The following PIK3C2G variants were observed in gnomAD, a reference collection of about 807,000 sequenced individuals.
The protein encoded by PIK3C2G is phosphatidylinositol 3-kinase C2 domain-containing subunit gamma.
PIK3C2G carries 168 observed loss-of-function variants against 181.1 expected under a neutral mutation model. The ratio of observed to expected loss-of-function variants is 0.93; its 90% CI spans 0.82 to 1.05. The LOEUF is 1.05. Among genes scored for constraint, PIK3C2G ranks in the 50% least tolerant of loss-of-function variants. The pLI, the probability that PIK3C2G is intolerant of heterozygous loss-of-function variation, is 0.00. For synonymous variants in PIK3C2G, 573 were observed against 592.2 expected (o/e 0.97, Z 0.47); for missense variants, 1,869 against 1,732.8 (o/e 1.08, Z -1.40).
intron 16 of PIK3C2G, among the ~76,000 whole-genome samples, chr12:18,416,874 T>C (rs998757917): frequency 1.3e-5 from 2 of 152,236 alleles, no homozygotes; most frequent in African/African-American, 4.8e-5. Flanking sequence ...AGGAGTCATT[T>C]TGACTTTTAA....
chr12:18,527,791 A>T (rs2136204871), intron 24 of PIK3C2G, among the ~76,000 whole-genome samples: 1 of 152,272 alleles, frequency 6.6e-6, no homozygotes, highest in Admixed American at 6.5e-5. Context: ...AGGAGACTTG[A>T]TAATTTTGAA....
chr12:18,723,543 C>G, the PIK3C2G span: 15 of 1,608,688 alleles, frequency 9.3e-6, no homozygotes, highest in Non-Finnish European at 1.3e-5. Flanking sequence ...TGTCATTGTC[C>G]TACTAAAAAA....
chr12:18,460,623 CATATATATATAT>C (rs144060852), intron 18 of PIK3C2G, among the ~76,000 whole-genome samples: 1,494 of 136,120 alleles, frequency 0.011, 36 homozygotes, highest in African/African-American at 0.039. Flanking sequence ...ACATCATATT[CATATATATATAT>C]ATATATATAT....
At chr12:18,669,959 C>T in the PIK3C2G span, among the ~76,000 whole-genome samples, 17 of 152,168 alleles carry the variant, frequency 1.1e-4, no homozygotes, top group East Asian at 3.9e-4. Flanking sequence ...TGAGCCACCG[C>T]GCCCGGCCCT....
Position 18,310,613 on chromosome 12 carries a change from T to C in PIK3C2G, c.1035-3349T>C, listed in dbSNP as rs189985977. ...CATAGTAATTAAATTGAGATTGCAA[T>C]AGAAAAGCTTTAAGATATGTTTCCT... On this transcript the variant is annotated intron_variant, in intron 5 of 32. Coordinates refer to ENST00000538779, the MANE Select transcript of PIK3C2G (RefSeq NM_001288772.2). Among the ~76,000 whole-genome samples, 1,038 of 151,922 alleles carry C rather than the reference T, an allele frequency of 6.8e-3. 9 individuals are homozygous for C. The highest frequency in any genetic ancestry group is 0.023 in the African/African-American group (952 of 41,514).
At chr12:18,269,598 G>A (rs1948658428) in intron 1 of PIK3C2G, among the ~76,000 whole-genome samples, 1 of 152,122 alleles carries the variant, frequency 6.6e-6, no homozygotes, top group Non-Finnish European at 1.5e-5. Flanking sequence ...AGAAGAAACT[G>A]TTATGGAATT....
chr12:18,359,448 C>T (rs1941041325), intron 11 of PIK3C2G, among the ~76,000 whole-genome samples: 1 of 152,088 alleles, frequency 6.6e-6, no homozygotes, highest in Admixed American at 6.6e-5. Flanking sequence ...CTGTTAGGTC[C>T]ATTTGGTCTA....
intron 11 of PIK3C2G, among the ~76,000 whole-genome samples, chr12:18,348,684 T>A (rs929789933): frequency 2.0e-5 from 3 of 152,166 alleles, no homozygotes. Context: ...ATGTCTTACC[T>A]CATGACAAAT....
chr12:18,286,800 A>G lies in PIK3C2G; in HGVS notation c.679-47A>G, dbSNP rs746332848. On this transcript the variant is annotated intron_variant, in intron 2 of 32. Transcript: ENST00000538779. The stretch of plus-strand genomic sequence containing the variant: ...GGATAAAATTGTAGAATTATTTAAT[A>G]GTTTCTCTTCTCCAAATTATATTAA... 15 of 956,462 alleles carry G rather than the reference A, an allele frequency of 1.6e-5. No individual in the cohort carries two copies. In the South Asian group the frequency reaches 2.3e-4, roughly 14 times the overall value. 59.2% of individuals were successfully genotyped at this position (956,462 alleles called of 1,614,324 possible). A position where few individuals can be genotyped will look rare whatever the true frequency, so the allele number is the denominator to read the frequency against.
intron 29 of PIK3C2G, among the ~76,000 whole-genome samples, chr12:18,583,906 G>C (rs1000243025): frequency 1.3e-5 from 2 of 152,168 alleles, no homozygotes; most frequent in African/African-American, 4.8e-5. Flanking sequence ...TAAGGATATG[G>C]ATAGGAACAA....
At chr12:18,530,350 T>C (rs1376380698) in intron 24 of PIK3C2G, among the ~76,000 whole-genome samples, 3 of 152,174 alleles carry the variant, frequency 2.0e-5, no homozygotes, top group African/African-American at 7.2e-5. Flanking sequence ...CTATCAATAA[T>C]TCATTTTTCT....
chr12:18,438,643 T>C (rs1189747303), intron 18 of PIK3C2G, among the ~76,000 whole-genome samples: 1 of 151,862 alleles, frequency 6.6e-6, no homozygotes, highest in Non-Finnish European at 1.5e-5. Flanking sequence ...TTTGATCCTG[T>C]GCCTCATACA....
intron 31 of PIK3C2G, among the ~76,000 whole-genome samples, chr12:18,629,547 T>C (rs1949256711): frequency 6.6e-6 from 1 of 152,190 alleles, no homozygotes; most frequent in African/African-American, 2.4e-5. Flanking sequence ...TGGGACTAAG[T>C]TTGAATAATG....
At chr12:18,428,504 A>T (rs1945966752) in intron 18 of PIK3C2G, among the ~76,000 whole-genome samples, 1 of 152,244 alleles carries the variant, frequency 6.6e-6, no homozygotes, top group Non-Finnish European at 1.5e-5. Context: ...ATGACCAATT[A>T]TTCACCAAGC....
chr12:18,480,921 AT>A (rs1475494233), intron 18 of PIK3C2G, among the ~76,000 whole-genome samples: 1 of 151,512 alleles, frequency 6.6e-6, no homozygotes. Flanking sequence ...TGAGTTTTTT[AT>A]TTTTTTATTT....
At chr12:18,675,193 C>G in the PIK3C2G span, among the ~76,000 whole-genome samples, 1 of 152,142 alleles carries the variant, frequency 6.6e-6, no homozygotes, top group African/African-American at 2.4e-5. Context: ...GTCTAGATGG[C>G]TACAGTCACA....
At chr12:18,423,882 T>A (rs988952711) in intron 17 of PIK3C2G, 63 bp from the exon 18 acceptor site, 14 of 934,552 alleles carry the variant, frequency 1.5e-5, no homozygotes, top group Non-Finnish European at 2.4e-5. Flanking sequence ...GCCTCTGAAG[T>A]CCCTCTGTAT....
chr12:18,244,444 T>A (rs1355558268), upstream of PIK3C2G, among the ~76,000 whole-genome samples: 4 of 151,880 alleles, frequency 2.6e-5, no homozygotes, highest in Non-Finnish European at 5.9e-5. Flanking sequence ...AAACAGAAAA[T>A]TTAGTAAACA....
At chr12:18,410,482 G>T (rs1300398444) in intron 16 of PIK3C2G, among the ~76,000 whole-genome samples, 3 of 146,532 alleles carry the variant, frequency 2.0e-5, no homozygotes, top group African/African-American at 7.6e-5. Flanking sequence ...TCCAGCATGG[G>T]CAACAGAGTG....
Sources: gnomAD v4.1 joint callset for allele counts (sites outside exome capture counted in the v4.1 genomes callset) on GRCh38, gnomAD v4.1.1 for gene constraint, MANE v1.5 for transcripts, NCBI Gene and HGNC (gene_info 2026-07-23, HGNC 2026-07-21) for gene names.